Variants in RPH3A observed in about 807,000 individuals in gnomAD.
RPH3A encodes rabphilin-3A.
In RPH3A, 48 loss-of-function variants were observed where a neutral mutation model predicts 102.2. The ratio of observed to expected loss-of-function variants is 0.47; its 90% confidence interval spans 0.37 to 0.60. The LOEUF is 0.60. Ranked by LOEUF, RPH3A falls within the 20% of genes least tolerant of loss-of-function variation. The pLI is 0.00. For synonymous variants in RPH3A, 310 were observed against 324.3 expected, an observed-to-expected ratio of 0.96 and a Z score of 0.47; for missense variants, 781 against 910.1, an observed-to-expected ratio of 0.86 and a Z score of 1.83.
chr12:112,813,850 A>G (rs1263000429), intron 2 of RPH3A, among the ~76,000 whole-genome samples: 1 of 152,148 alleles, frequency 6.6e-6, no homozygotes, highest in Non-Finnish European at 1.5e-5. Context: ...GGTCTGTGTA[A>G]CTCTAAAGCC....
At chr12:112,583,497 AT>A (rs1055604624) in intron 1 of RPH3A, among the ~76,000 whole-genome samples, 1 of 149,138 alleles carries the variant, frequency 6.7e-6, no homozygotes, top group Non-Finnish European at 1.5e-5. Context: ...TTAAAAAAAA[AT>A]AGAAGAAAAG....
intron 1 of RPH3A, among the ~76,000 whole-genome samples, chr12:112,632,775 G>A (rs953187137): frequency 6.6e-6 from 1 of 152,176 alleles, no homozygotes; most frequent in African/African-American, 2.4e-5. Context: ...CCCCCTCTAA[G>A]TGTCATCCTG....
chr12:112,794,445 T>G (rs1250273606), intron 2 of RPH3A, among the ~76,000 whole-genome samples: 1 of 152,146 alleles, frequency 6.6e-6, no homozygotes, highest in Non-Finnish European at 1.5e-5. Context: ...GAGTCTCTTG[T>G]GAGAACTTTG....
At chr12:112,726,362 GC>G (rs2040590944) in intron 1 of RPH3A, among the ~76,000 whole-genome samples, 1 of 152,062 alleles carries the variant, frequency 6.6e-6, no homozygotes, top group African/African-American at 2.4e-5. Flanking sequence ...TGATCTGTCC[GC>G]CTCAGCCTCC....
chr12:112,856,506 G>C (rs1217747030), intron 5 of RPH3A, among the ~76,000 whole-genome samples: 3 of 151,992 alleles, frequency 2.0e-5, no homozygotes, highest in Non-Finnish European at 4.4e-5. Context: ...GTGTGTGTGT[G>C]TGTGTGTATT....
At chr12:112,694,694 A>AGG (rs1205544466) in intron 1 of RPH3A, among the ~76,000 whole-genome samples, 3 of 151,924 alleles carry the variant, frequency 2.0e-5, no homozygotes, top group Non-Finnish European at 4.4e-5. Context: ...AGAGAGAGAG[A>AGG]GAGAGAGATT....
chr12:112,595,834 C>T (rs2039512432), intron 1 of RPH3A, among the ~76,000 whole-genome samples: 1 of 152,162 alleles, frequency 6.6e-6, no homozygotes, highest in Non-Finnish European at 1.5e-5. Flanking sequence ...TGGGGGCAAC[C>T]ACACGATACC....
chr12:112,865,587 A>AGAACAT lies in RPH3A; in HGVS notation c.360+46_360+47insACATGA, dbSNP rs748974827. ...CCCTTCTTCCCTGTGCAGCACCTGC[A>AGAACAT]GAGGGGAAAGTCCTAGGCTCCAGCT... is the stretch of plus-strand genomic sequence containing the variant. On this transcript the variant is annotated intron_variant, in intron 6 of 21. Coordinates refer to ENST00000389385, the MANE Select transcript of RPH3A (RefSeq NM_001143854.2). The AGAACAT allele has an allele frequency of 1.2e-5, 19 of 1,599,530 alleles. No homozygotes were observed. In the African/African-American group the frequency reaches 2.3e-4, roughly 19 times the overall value.
At chr12:112,797,625 A>G (rs1007432494) in intron 2 of RPH3A, among the ~76,000 whole-genome samples, 6 of 152,088 alleles carry the variant, frequency 3.9e-5, no homozygotes, top group African/African-American at 1.4e-4. Flanking sequence ...AGGCCTTAAT[A>G]ATCAGCTGTC....
intron 2 of RPH3A, among the ~76,000 whole-genome samples, chr12:112,825,125 G>C (rs763849679): frequency 1.1e-4 from 16 of 152,180 alleles, no homozygotes; most frequent in Non-Finnish European, 1.9e-4. Context: ...AGCCTGCTCA[G>C]CTCTCACCAC....
chr12:112,736,427 G>A (rs762196223), intron 1 of RPH3A, among the ~76,000 whole-genome samples: 1 of 152,220 alleles, frequency 6.6e-6, no homozygotes, highest in Non-Finnish European at 1.5e-5. Flanking sequence ...TGGACCAAAA[G>A]CTCCTTCAGG....
chr12:112,782,497 G>T (rs2041016754), intron 1 of RPH3A, among the ~76,000 whole-genome samples: 1 of 152,158 alleles, frequency 6.6e-6, no homozygotes, highest in Admixed American at 6.5e-5. Context: ...AACAGGGATG[G>T]TATCCCTTTT....
upstream of RPH3A, among the ~76,000 whole-genome samples, chr12:112,787,242 T>C (rs1317138570): frequency 1.3e-5 from 2 of 152,196 alleles, no homozygotes; most frequent in African/African-American, 2.4e-5. Context: ...GGTAATCTAT[T>C]AACCCCTTTT....
rs781424175 is a variant in RPH3A at position 112,828,330 on chromosome 12, C to T, written c.12C>T (p.Thr4=). The change falls in exon 3 of 22, where the codon ACC becomes ACT. Residue 4 remains threonine (T), a synonymous_variant. Coordinates refer to ENST00000389385, the MANE Select transcript of RPH3A (RefSeq NM_001143854.2). MTD[T]VFSNSSNRWM... is the part of the protein sequence containing the mutation. ...ACTAGACATCTACTATGACTGACAC[C>T]GTGTTCAGCAACAGTTCTAACCGTT... The T allele has an allele frequency of 5.6e-6, 9 of 1,610,688 alleles. No homozygotes were observed. Among genetic ancestry groups the T allele is most frequent in the South Asian group, 3.3e-5 (3 of 90,434 alleles).
At chr12:112,843,395 A>G (rs1260670276) in intron 4 of RPH3A, among the ~76,000 whole-genome samples, 5 of 152,108 alleles carry the variant, frequency 3.3e-5, no homozygotes, top group African/African-American at 1.2e-4. Flanking sequence ...TGTGTTCTGG[A>G]GCAGAGGATG....
At chr12:112,691,865 T>C (rs1416511700) in intron 1 of RPH3A, among the ~76,000 whole-genome samples, 1 of 152,194 alleles carries the variant, frequency 6.6e-6, no homozygotes, top group Non-Finnish European at 1.5e-5. Context: ...ACACCATCAT[T>C]CCATTTTACA....
intron 10 of RPH3A, among the ~76,000 whole-genome samples, chr12:112,873,588 T>C (rs2042742904): frequency 1.3e-5 from 2 of 152,208 alleles, no homozygotes; most frequent in African/African-American, 4.8e-5. Context: ...ATTCTATTGT[T>C]GATGGGCTTC....
intron 1 of RPH3A, among the ~76,000 whole-genome samples, chr12:112,590,722 T>A (rs73431623): frequency 6.6e-6 from 1 of 152,240 alleles, no homozygotes. Flanking sequence ...AGAAGTCTCA[T>A]GTAAAATTCC....
intron 1 of RPH3A, among the ~76,000 whole-genome samples, chr12:112,756,466 CCTCCCAAA>C (rs537956394): frequency 1.2e-3 from 189 of 152,312 alleles, no homozygotes; most frequent in African/African-American, 4.5e-3. Context: ...CCTGCCTTGG[CCTCCCAAA>C]GTGCTGGGAT....
Sources: allele counts gnomAD v4.1 joint callset (sites outside exome capture counted in the v4.1 genomes callset), GRCh38; gene constraint gnomAD v4.1.1; transcripts MANE v1.5; gene names NCBI Gene and HGNC (gene_info 2026-07-23, HGNC 2026-07-21).